Variants in MYOZ1 observed in about 807,000 individuals in gnomAD.
MYOZ1 encodes the protein myozenin-1.
A neutral mutation model predicts 28.7 loss-of-function variants in MYOZ1; 20 were observed. The ratio of observed to expected loss-of-function variants is 0.70; its 90% CI spans 0.49 to 1.01. The LOEUF is 1.01. Among genes scored for constraint, MYOZ1 ranks in the 50% least tolerant of loss-of-function variants. The pLI, the probability that MYOZ1 is intolerant of heterozygous loss-of-function variation, is 0.00. For missense variants in MYOZ1, 371 were observed against 372.4 expected, an observed-to-expected ratio of 1.00 and a Z score of 0.03; for synonymous variants, 144 against 145.8, an observed-to-expected ratio of 0.99 and a Z score of 0.09.
intron 5 of MYOZ1, among the ~76,000 whole-genome samples, chr10:73,632,906 A>G (rs758241144): frequency 1.1e-4 from 16 of 152,234 alleles, no homozygotes; most frequent in Non-Finnish European, 1.6e-4. Context: ...GACCAAATAC[A>G]AGAGTACCTT....
rs113223078 is a variant in MYOZ1 at position 73,635,993 on chromosome 10, G to T, written c.253-1260C>A. 5.0e-4 allele frequency among the ~76,000 whole-genome samples: 76 copies of T among 152,284 alleles called. 1 individual carries two copies. The highest frequency in any genetic ancestry group is 1.8e-3 in the African/African-American group (75 of 41,564). On this transcript the variant is annotated intron_variant, in intron 3 of 5. Transcript: ENST00000359322. ...CATGTACACCCCAATGCTCCACCCAGTGTAACCAGACCCAGGCAGAGAAGA... is the reference window on the plus strand; with the variant it reads ...CATGTACACCCCAATGCTCCACCCATTGTAACCAGACCCAGGCAGAGAAGA...
chr10:73,635,676 C>T (rs531890937), intron 3 of MYOZ1, among the ~76,000 whole-genome samples: 1 of 152,250 alleles, frequency 6.6e-6, no homozygotes, highest in East Asian at 1.9e-4. Context: ...GAGCTGTGTC[C>T]AGCCCCAACT....
At chr10:73,634,981 A>G (rs2081658747) in intron 3 of MYOZ1, among the ~76,000 whole-genome samples, 1 of 152,016 alleles carries the variant, frequency 6.6e-6, no homozygotes. Context: ...CTGGAGTGTG[A>G]TGGCACGATC....
chr10:73,638,579 C>CA (rs1276616798), intron 2 of MYOZ1, among the ~76,000 whole-genome samples: 1 of 151,760 alleles, frequency 6.6e-6, no homozygotes, highest in African/African-American at 2.4e-5. Flanking sequence ...ACTGACCTAC[C>CA]AGCCACGGCC....
At chr10:73,635,077 T>C (rs1215338881) in intron 3 of MYOZ1, among the ~76,000 whole-genome samples, 1 of 151,678 alleles carries the variant, frequency 6.6e-6, no homozygotes, top group Non-Finnish European at 1.5e-5. Context: ...GCATGCACCA[T>C]CACACCCGGC....
intron 2 of MYOZ1, 150 bp downstream of exon 2, chr10:73,639,795 T>G (rs1250733298): frequency 8.8e-6 from 6 of 681,064 alleles, no homozygotes; most frequent in Non-Finnish European, 1.5e-5. Context: ...TCCTTACCCT[T>G]CTTAATCTTC....
At chr10:73,633,395 T>C (rs73272389) in intron 5 of MYOZ1, among the ~76,000 whole-genome samples, 14,221 of 151,760 alleles carry the variant, frequency 0.094, 1,075 homozygotes, top group African/African-American at 0.2. Flanking sequence ...GAAGAGAGCC[T>C]CAAGAGGCCT....
At position 73,637,010 on chromosome 10, in the gene MYOZ1, C is replaced by CTTTTTTTTTTTTTTTTT. The variant is rs200349316; in HGVS notation, c.252+733_252+734insAAAAAAAAAAAAAAAAA. On this transcript the variant is annotated intron_variant, in intron 3 of 5. Transcript: ENST00000359322. ...TTATCTTCTTCCTTTTTTCTTTTTT[C>CTTTTTTTTTTTTTTTTT]TTTCTTTTTTTTTTTTTTTTGAGAC... Among the ~76,000 whole-genome samples, 36 of 137,512 alleles carry CTTTTTTTTTTTTTTTTT rather than the reference C, an allele frequency of 2.6e-4. 1 individual carries two copies. Among genetic ancestry groups the CTTTTTTTTTTTTTTTTT allele is most frequent in the African/African-American group, 9.6e-4 (33 of 34,250 alleles). 90.2% of individuals were successfully genotyped at this position (137,512 alleles called of 152,430 possible).
Position 73,639,827 on chromosome 10 carries a change from C to T in MYOZ1, c.73+118G>A, listed in dbSNP as rs548383407. The T allele has an allele frequency of 1.5e-4, 151 of 1,001,926 alleles. No homozygotes were observed. In the East Asian group the frequency reaches 2.8e-3, roughly 19 times the overall value. 62.1% of individuals were successfully genotyped at this position (1,001,926 alleles called of 1,614,324 possible). On this transcript the variant is annotated intron_variant, in intron 2 of 5. Coordinates refer to ENST00000359322, the MANE Select transcript of MYOZ1 (RefSeq NM_021245.4). ...CTTCCCTCTCCCACTCCCCATCACCCGCCTTCCCACCACTTAATTTCTCTT... is the reference window on the plus strand; with the variant it reads ...CTTCCCTCTCCCACTCCCCATCACCTGCCTTCCCACCACTTAATTTCTCTT...
In MYOZ1 at chr10:73,633,893, C is replaced by G. The variant is rs1489334172; in HGVS notation, c.668+7G>C. The G allele has an allele frequency of 1.2e-6, 2 of 1,603,682 alleles. No individual in the cohort carries two copies. The highest frequency in any genetic ancestry group is 1.3e-5 in the African/African-American group (1 of 74,448). On this transcript the variant is annotated splice_region_variant and intron_variant, in intron 5 of 5. Coordinates refer to ENST00000359322, the MANE Select transcript of MYOZ1 (RefSeq NM_021245.4). The stretch of plus-strand genomic sequence containing the variant: ...AATGCATCTGGTTCCTTCCTCACCA[C>G]CCCTACCTGTTGAAGGACTTATATT...
chr10:73,634,881 A>G (rs1476309672), intron 3 of MYOZ1, 148 bp from the exon 4 acceptor site: 1 of 879,198 alleles, frequency 1.1e-6, no homozygotes, highest in African/African-American at 1.7e-5. Context: ...TGGGTAGTAC[A>G]TGGGCTGACT....
rs535515364 is a variant in MYOZ1, at chr10:73,635,127, G to A, written c.253-394C>T. ...TTTAGTAGAGGTGGGGTTTCTGCAC[G>A]TTGGTCCGGCTGGTCTCAAACTCCG... On this transcript the variant is annotated intron_variant, in intron 3 of 5. Coordinates refer to ENST00000359322, the MANE Select transcript of MYOZ1 (RefSeq NM_021245.4). 1.5e-4 allele frequency among the ~76,000 whole-genome samples: 23 copies of A among 152,108 alleles called. No individual in the cohort carries two copies. The South Asian group carries it at 4.4e-3, about 29-fold the overall frequency.
At position 73,632,783 on chromosome 10, in the gene MYOZ1, CA is replaced by C. The variant is rs778322709; in HGVS notation, c.669-623del. 4.1e-3 allele frequency among the ~76,000 whole-genome samples: 491 copies of C among 119,838 alleles called. 2 individuals are homozygous for C. The highest frequency in any genetic ancestry group is 6.2e-3 in the Admixed American group (71 of 11,516). The allele number at this position is 119,838 out of a possible 152,430, so 78.6% of individuals were successfully genotyped here. On this transcript the variant is annotated intron_variant, in intron 5 of 5. Transcript: ENST00000359322. ...TGGGCAACAGAGCAAGACTCTGTCTCAAAAAAAAAAAAAAAAATTGCAATAT... is the reference window on the plus strand; with the variant it reads ...TGGGCAACAGAGCAAGACTCTGTCTCAAAAAAAAAAAAAAAATTGCAATAT...
At chr10:73,635,535 A>T (rs1172417172) in intron 3 of MYOZ1, among the ~76,000 whole-genome samples, 1 of 150,414 alleles carries the variant, frequency 6.6e-6, no homozygotes, top group Non-Finnish European at 1.5e-5. Flanking sequence ...GCATGCTACC[A>T]CACCCAGCTA....
At chr10:73,635,533 C>T (rs982957757) in intron 3 of MYOZ1, among the ~76,000 whole-genome samples, 1 of 151,916 alleles carries the variant, frequency 6.6e-6, no homozygotes, top group Admixed American at 6.6e-5. Context: ...TGGCATGCTA[C>T]CACACCCAGC....
chr10:73,635,254 C>A (rs1008513802), intron 3 of MYOZ1, among the ~76,000 whole-genome samples: 3 of 151,806 alleles, frequency 2.0e-5, no homozygotes, highest in Admixed American at 6.6e-5. Context: ...AGGTAGGACT[C>A]CCTTGGCTCG....
intron 1 of MYOZ1, among the ~76,000 whole-genome samples, chr10:73,640,959 G>A (rs1428291944): frequency 1.3e-5 from 2 of 152,166 alleles, no homozygotes; most frequent in African/African-American, 4.8e-5. Flanking sequence ...GGAAGGGTAG[G>A]GAGCATTCAA....
At chr10:73,632,254 T>G in intron 5 of MYOZ1, 93 bp from the exon 6 acceptor site, 1 of 1,170,240 alleles carries the variant, frequency 8.5e-7, no homozygotes, top group South Asian at 1.4e-5. Context: ...TAGGGAAGTC[T>G]GTGAATTCTA....
chr10:73,636,605 G>A (rs567220353), intron 3 of MYOZ1, among the ~76,000 whole-genome samples: 37 of 151,984 alleles, frequency 2.4e-4, no homozygotes, highest in African/African-American at 8.0e-4. Flanking sequence ...ACAGGTGTGC[G>A]CCACCAGACC....
Sources: allele counts gnomAD v4.1 joint callset (sites outside exome capture counted in the v4.1 genomes callset), GRCh38; gene constraint gnomAD v4.1.1; transcripts MANE v1.5; gene names NCBI Gene and HGNC (gene_info 2026-07-23, HGNC 2026-07-21).